The following LRGUK variants were observed in gnomAD, a reference collection of about 807,000 sequenced individuals.
LRGUK encodes the protein leucine rich repeats and guanylate kinase domain containing.
A neutral mutation model predicts 76.0 loss-of-function variants in LRGUK; 65 were observed. The observed-to-expected ratio is 0.85, with a 90% CI of 0.70 to 1.05. The LOEUF (loss-of-function observed/expected upper bound fraction) is 1.05. Among genes scored for constraint, LRGUK ranks in the 50% least tolerant of loss-of-function variants. The pLI, the probability that LRGUK is intolerant of heterozygous loss-of-function variation, is 0.00. For synonymous variants in LRGUK, 268 were observed against 265.6 expected (o/e 1.01, Z -0.09); for missense variants, 758 against 732.8 (o/e 1.03, Z -0.40).
At chr7:134,269,528 T>A (rs757121234), downstream of LRGUK, among the ~76,000 whole-genome samples, 1 of 151,896 alleles carries the variant, frequency 6.6e-6, no homozygotes. Flanking sequence ...AATTTTCTTT[T>A]TTGTAGAGAT....
intron 4 of LRGUK, among the ~76,000 whole-genome samples, chr7:134,147,866 C>T (rs1265691974): frequency 1.3e-5 from 2 of 151,826 alleles, no homozygotes; most frequent in Non-Finnish European, 2.9e-5. Flanking sequence ...TCGAGACCAT[C>T]CTGGCTAACA....
chr7:134,264,059 C>A, exon 20 of LRGUK: 1 of 1,372,994 alleles, frequency 7.3e-7, no homozygotes, highest in East Asian at 2.6e-5. Flanking sequence ...ATGGGTCCAG[C>A]TGTTTCTCAC....
intron 4 of LRGUK, among the ~76,000 whole-genome samples, chr7:134,147,851 G>A (rs941916424): frequency 6.6e-6 from 1 of 151,944 alleles, no homozygotes. Context: ...CATGAGGTCA[G>A]GAGATCGAGA....
At chr7:134,214,033 G>A (rs1801365963), downstream of LRGUK, among the ~76,000 whole-genome samples, 1 of 152,230 alleles carries the variant, frequency 6.6e-6, no homozygotes, top group Non-Finnish European at 1.5e-5. Flanking sequence ...AATCAATGGA[G>A]ATAATATTGC....
intron 5 of LRGUK, among the ~76,000 whole-genome samples, chr7:134,150,283 C>CA (rs55960970): frequency 0.6 from 87,837 of 146,968 alleles, 26,562 homozygotes; most frequent in African/African-American, 0.65. Flanking sequence ...TCTCAAAAAA[C>CA]AAAAAAAACA....
chr7:134,227,324 T>C (rs1444108376), intron 16 of LRGUK, among the ~76,000 whole-genome samples: 1 of 152,136 alleles, frequency 6.6e-6, no homozygotes, highest in Non-Finnish European at 1.5e-5. Context: ...GCCTGCAACC[T>C]TGGAGTAAAG....
At position 134,196,989 on chromosome 7, in the gene LRGUK, C is replaced by T. The variant is rs758826881; in HGVS notation, c.1432-3C>T. The T allele has an allele frequency of 6.6e-7, 1 of 1,514,962 alleles. No individual in the cohort carries two copies. The highest frequency in any genetic ancestry group is 1.2e-5 in the South Asian group (1 of 86,432). The allele number at this position is 1,514,962 out of a possible 1,614,324, so 93.8% of individuals were successfully genotyped here. ...GAAAATCTTTGTTCTTCTCGAATTC[C>T]AGGGGAAATTCATTCTAACATTTAG... On this transcript the variant is annotated splice_polypyrimidine_tract_variant and splice_region_variant and intron_variant, in intron 12 of 15. Coordinates refer to ENST00000645682, the Ensembl canonical transcript of LRGUK.
chr7:134,248,994 A>G, exon 18 of LRGUK: 1 of 1,599,740 alleles, frequency 6.3e-7, no homozygotes, highest in African/African-American at 1.3e-5. Flanking sequence ...ACACTATTAT[A>G]CAACTTTAGA....
In LRGUK at chr7:134,205,192, T is replaced by C. The variant is rs994745750; in HGVS notation, c.1844-3515T>C. Among the ~76,000 whole-genome samples the C allele has an allele frequency of 8.5e-5, 13 of 152,352 alleles. No homozygotes were observed. In the South Asian group the frequency reaches 1.0e-3, roughly 12 times the overall value. The stretch of plus-strand genomic sequence containing the variant: ...GCCCTTTTTTCAATCCTCCCTGAGA[T>C]TGGCTACTTTTAGAATCCTGCTGAT... On this transcript the variant is annotated intron_variant, in intron 15 of 15. Coordinates refer to ENST00000645682, the Ensembl canonical transcript of LRGUK.
intron 7 of LRGUK, among the ~76,000 whole-genome samples, chr7:134,167,673 G>A (rs1455715671): frequency 6.6e-6 from 1 of 152,190 alleles, no homozygotes; most frequent in Non-Finnish European, 1.5e-5. Flanking sequence ...GGAATGTGAA[G>A]TCAGCCATTT....
At chr7:134,226,785 T>C (rs1223194024) in intron 16 of LRGUK, among the ~76,000 whole-genome samples, 1 of 152,206 alleles carries the variant, frequency 6.6e-6, no homozygotes, top group East Asian at 1.9e-4. Flanking sequence ...ATGAAACTTC[T>C]TTGTAAATGA....
intron 1 of LRGUK, among the ~76,000 whole-genome samples, chr7:134,136,372 A>G (rs1797541345): frequency 6.6e-6 from 1 of 152,232 alleles, no homozygotes; most frequent in Non-Finnish European, 1.5e-5. Flanking sequence ...ATTGACTAAT[A>G]GGAAGTGAAC....
intron 15 of LRGUK, among the ~76,000 whole-genome samples, chr7:134,215,674 GA>G (rs935816017): frequency 1.3e-5 from 2 of 151,764 alleles, no homozygotes; most frequent in African/African-American, 4.8e-5. Flanking sequence ...TGACAAGCCC[GA>G]AAATCATCTT....
intron 7 of LRGUK, among the ~76,000 whole-genome samples, chr7:134,169,362 C>G (rs939946745): frequency 1.3e-5 from 2 of 152,128 alleles, no homozygotes; most frequent in African/African-American, 4.8e-5. Context: ...TTTCAGACTG[C>G]TGGTCTCCAG....
At chr7:134,132,209 A>G (rs1173093528) in intron 1 of LRGUK, among the ~76,000 whole-genome samples, 1 of 152,062 alleles carries the variant, frequency 6.6e-6, no homozygotes, top group Non-Finnish European at 1.5e-5. Flanking sequence ...AAATTAGCCG[A>G]CCAGCCATAG....
chr7:134,259,381 T>G (rs1401954995), intron 19 of LRGUK, among the ~76,000 whole-genome samples: 1 of 151,972 alleles, frequency 6.6e-6, no homozygotes, highest in African/African-American at 2.4e-5. Context: ...GAGTAGCTGA[T>G]AGAGGAATGA....
Position 134,172,881 on chromosome 7 carries a change from G to A in LRGUK, c.940-1675G>A, listed in dbSNP as rs549983004. 2.6e-4 allele frequency among the ~76,000 whole-genome samples: 39 copies of A among 152,120 alleles called. 1 individual carries two copies. The highest frequency in any genetic ancestry group is 7.7e-4 in the African/African-American group (32 of 41,502). ...TTGTAGTCCCAGCTACTCGGGGGTC[G>A]GGGGCTGAGGTAGGAAGGTTCCTTG... is the stretch of plus-strand genomic sequence containing the variant. On this transcript the variant is annotated intron_variant, in intron 7 of 15. Coordinates refer to ENST00000645682, the Ensembl canonical transcript of LRGUK.
intron 15 of LRGUK, among the ~76,000 whole-genome samples, 169 bp downstream of exon 15, chr7:134,201,745 C>G (rs1800781970): frequency 6.6e-6 from 1 of 152,088 alleles, no homozygotes; most frequent in Non-Finnish European, 1.5e-5. Context: ...AGTCAGCTTT[C>G]TGGACCTGTA....
At chr7:134,234,706 A>G (rs1801975432) in intron 16 of LRGUK, among the ~76,000 whole-genome samples, 1 of 151,036 alleles carries the variant, frequency 6.6e-6, no homozygotes, top group South Asian at 2.1e-4. Context: ...CAATTTCTTG[A>G]TATTGGAGGA....
Sources: allele counts gnomAD v4.1 joint callset (sites outside exome capture counted in the v4.1 genomes callset), GRCh38; gene constraint gnomAD v4.1.1; transcripts MANE v1.5; gene names NCBI Gene and HGNC (gene_info 2026-07-23, HGNC 2026-07-21).